The following KDM4C variants were observed in gnomAD, a reference collection of about 807,000 sequenced individuals.
The protein encoded by KDM4C is lysine demethylase 4C.
A neutral mutation model predicts 129.3 loss-of-function variants in KDM4C; 81 were observed. The observed-to-expected ratio is 0.63, with a 90% confidence interval of 0.52 to 0.75. KDM4C has a LOEUF of 0.75. KDM4C is among the 30% of genes least tolerant of loss of function. The probability of loss-of-function intolerance (pLI) is 0.00; values close to 1 mark genes in which losing one functional copy is unlikely to be tolerated. For missense variants in KDM4C, 1,457 were observed against 1,304.0 expected (o/e 1.12, Z -1.81); for synonymous variants, 573 against 456.1 (o/e 1.26, Z -3.26).
chr9:6,931,776 C>T (rs1047788771), intron 8 of KDM4C, among the ~76,000 whole-genome samples: 1 of 152,218 alleles, frequency 6.6e-6, no homozygotes, highest in African/African-American at 2.4e-5. Flanking sequence ...GTTGGGATTA[C>T]AGGCATGAGC....
rs957848972 is a variant in KDM4C, at chr9:6,773,457, A to T, written c.-18+15254A>T. 3.9e-5 allele frequency among the ~76,000 whole-genome samples: 6 copies of T among 152,296 alleles called. No individual in the cohort carries two copies. The South Asian group carries it at 6.2e-4, about 16-fold the overall frequency. ...ATGAGCTACACTTGATTGTCCATTTAATCTGTCAGTTTAATTTGTATAGGT... is the reference window on the plus strand; with the variant it reads ...ATGAGCTACACTTGATTGTCCATTTTATCTGTCAGTTTAATTTGTATAGGT... On this transcript the variant is annotated intron_variant, in intron 1 of 21. Transcript: ENST00000381309.
chr9:6,944,652 G>GTTTGTTTTTTTTTT (rs1826557185), intron 8 of KDM4C, among the ~76,000 whole-genome samples: 1 of 80,990 alleles, frequency 1.2e-5, no homozygotes, highest in African/African-American at 4.7e-5. Context: ...CAAGGTAGAG[G>GTTTGTTTTTTTTTT]TTTTTTTTTT....
At chr9:7,086,721 A>C (rs1835158328) in intron 17 of KDM4C, among the ~76,000 whole-genome samples, 1 of 152,246 alleles carries the variant, frequency 6.6e-6, no homozygotes, top group Non-Finnish European at 1.5e-5. Context: ...ATGCAGGATC[A>C]TCTGGCCGGG....
chr9:7,020,555 A>T (rs1824612082), intron 15 of KDM4C, among the ~76,000 whole-genome samples: 1 of 152,214 alleles, frequency 6.6e-6, no homozygotes, highest in Non-Finnish European at 1.5e-5. Flanking sequence ...GCACGTTCCA[A>T]ACATTACCAA....
At chr9:6,916,140 G>A (rs1449561821) in intron 8 of KDM4C, among the ~76,000 whole-genome samples, 1 of 152,106 alleles carries the variant, frequency 6.6e-6, no homozygotes, top group Non-Finnish European at 1.5e-5. Context: ...GTGGTAAGGT[G>A]TTTTTGACAG....
At chr9:6,788,083 T>G (rs1418645041) in intron 1 of KDM4C, among the ~76,000 whole-genome samples, 1 of 152,228 alleles carries the variant, frequency 6.6e-6, no homozygotes, top group Non-Finnish European at 1.5e-5. Context: ...TCCAGATATC[T>G]GTATGATTAA....
chr9:6,855,414 G>C (rs1350908872), intron 5 of KDM4C, among the ~76,000 whole-genome samples: 1 of 133,836 alleles, frequency 7.5e-6, no homozygotes, highest in Non-Finnish European at 1.5e-5. Context: ...AGCCGAGATT[G>C]CGTCACTGCA....
chr9:6,835,988 G>T (rs894147334), intron 4 of KDM4C, among the ~76,000 whole-genome samples: 2 of 152,112 alleles, frequency 1.3e-5, no homozygotes, highest in African/African-American at 4.8e-5. Context: ...TTAAATTTTT[G>T]CCTTAATACT....
intron 1 of KDM4C, among the ~76,000 whole-genome samples, chr9:6,733,625 C>T (rs1355186036): frequency 6.6e-6 from 1 of 152,194 alleles, no homozygotes; most frequent in African/African-American, 2.4e-5. Context: ...GGGTCCCGAT[C>T]CAGACCCCAA....
At chr9:6,764,761 G>C (rs1243279370) in intron 1 of KDM4C, among the ~76,000 whole-genome samples, 1 of 152,186 alleles carries the variant, frequency 6.6e-6, no homozygotes, top group East Asian at 1.9e-4. Context: ...ACAATGATGA[G>C]TCATCAAAGC....
chr9:6,938,489 G>A (rs939529795), intron 8 of KDM4C, among the ~76,000 whole-genome samples: 2 of 152,256 alleles, frequency 1.3e-5, no homozygotes, highest in South Asian at 2.1e-4. Flanking sequence ...AATGAAAACC[G>A]ACCGTATGAA....
At chr9:7,022,465 G>A (rs1452393439) in intron 15 of KDM4C, among the ~76,000 whole-genome samples, 1 of 151,892 alleles carries the variant, frequency 6.6e-6, no homozygotes, top group East Asian at 1.9e-4. Flanking sequence ...TTCACTGTTG[G>A]TATATAGAAA....
chr9:6,852,293 T>G lies in KDM4C; in HGVS notation c.629+2593T>G, dbSNP rs901925936. On this transcript the variant is annotated intron_variant, in intron 5 of 21. Transcript: ENST00000381309. The stretch of plus-strand genomic sequence containing the variant: ...TGGAAGTATTTGGAGGCAGGCGGTT[T>G]GGCAGAGCTTAGGACACGAGGGCCC... 3.6e-4 allele frequency among the ~76,000 whole-genome samples: 55 copies of G among 152,194 alleles called. 1 individual carries two copies. Among genetic ancestry groups the G allele is most frequent in the Admixed American group, 6.5e-4 (10 of 15,276 alleles).
intron 9 of KDM4C, 55 bp from the exon 10 acceptor site, chr9:6,984,111 T>A (rs1359255836): frequency 8.9e-7 from 1 of 1,120,166 alleles, no homozygotes; most frequent in African/African-American, 1.5e-5. Context: ...TTGGGATGTG[T>A]TTTTCATATC....
At chr9:6,965,159 A>T (rs1156393929) in intron 8 of KDM4C, among the ~76,000 whole-genome samples, 2 of 152,090 alleles carry the variant, frequency 1.3e-5, no homozygotes, top group Non-Finnish European at 2.9e-5. Flanking sequence ...GAGAAAAATT[A>T]TATGTAGGAA....
chr9:7,157,862 G>C (rs1184807714), intron 19 of KDM4C, among the ~76,000 whole-genome samples: 2 of 152,116 alleles, frequency 1.3e-5, no homozygotes, highest in Non-Finnish European at 2.9e-5. Flanking sequence ...GGATGATGCT[G>C]GCCTCATAAA....
chr9:6,793,346 TA>T (rs529624936), intron 2 of KDM4C, among the ~76,000 whole-genome samples: 2,134 of 145,568 alleles, frequency 0.015, 24 homozygotes, highest in Non-Finnish European at 0.022. Context: ...TTCTAAGGCT[TA>T]AAAAAAAAAA....
intron 8 of KDM4C, among the ~76,000 whole-genome samples, chr9:6,964,417 A>T (rs1321376796): frequency 2.0e-5 from 3 of 151,078 alleles, no homozygotes; most frequent in Non-Finnish European, 2.9e-5. Flanking sequence ...AAGGACATGA[A>T]CTCATCCTTT....
chr9:7,076,461 CAGT>C (rs762738201), intron 17 of KDM4C: 4 of 1,546,610 alleles, frequency 2.6e-6, no homozygotes, highest in Admixed American at 2.0e-5. Flanking sequence ...GACACAGCAA[CAGT>C]AACAACAACA....
Sources: allele counts gnomAD v4.1 joint callset (sites outside exome capture counted in the v4.1 genomes callset), GRCh38; gene constraint gnomAD v4.1.1; transcripts MANE v1.5; gene names NCBI Gene and HGNC (gene_info 2026-07-23, HGNC 2026-07-21).